The following MICAL3 variants were observed in gnomAD, a reference collection of about 807,000 sequenced individuals.
MICAL3 encodes [F-actin]-monooxygenase MICAL3.
MICAL3 carries 62 observed loss-of-function variants against 207.4 expected under a neutral mutation model. That is an observed-to-expected ratio of 0.30 (90% CI 0.24 to 0.37). The LOEUF is 0.37. Among genes scored for constraint, MICAL3 ranks in the 10% least tolerant of loss-of-function variants. MICAL3 has a pLI of 1.00. For synonymous variants in MICAL3, 1,077 were observed against 1,069.3 expected (o/e 1.01, Z -0.14); for missense variants, 2,368 against 2,635.6 (o/e 0.90, Z 2.22).
chr22:17,789,780 A>C lies in MICAL3; in HGVS notation c.*952T>G, dbSNP rs1267123078. The stretch of plus-strand genomic sequence containing the variant: ...CGCAGGTGATCAGTTCCTCTAGTAA[A>C]GATACACAAACGAAGTTACTTCTTT... On this transcript the variant is annotated 3_prime_UTR_variant, in exon 32 of 32. Transcript: ENST00000441493. 2 of 152,262 alleles carry C rather than the reference A, an allele frequency of 1.3e-5. No homozygotes were observed. Among genetic ancestry groups the C allele is most frequent in the Non-Finnish European group, 2.9e-5 (2 of 68,048 alleles). 9.4% of individuals were successfully genotyped at this position (152,262 alleles called of 1,614,324 possible).
chr22:17,830,958 C>G (rs1471312800), intron 21 of MICAL3, among the ~76,000 whole-genome samples: 1 of 152,180 alleles, frequency 6.6e-6, no homozygotes, highest in Admixed American at 6.5e-5. Context: ...CCAGAGAAAA[C>G]AGACCCCCGG....
chr22:18,023,042 T>C (rs1924584549), intron 1 of MICAL3, among the ~76,000 whole-genome samples: 1 of 152,204 alleles, frequency 6.6e-6, no homozygotes. Flanking sequence ...CTGTAGCTTG[T>C]AGGCATTTAT....
intron 1 of MICAL3, chr22:18,004,680 C>T (rs570130489): frequency 6.6e-6 from 1 of 152,296 alleles, no homozygotes; most frequent in African/African-American, 2.4e-5. Flanking sequence ...GTGCTTTGCC[C>T]GCATTATTTA....
intron 1 of MICAL3, among the ~76,000 whole-genome samples, chr22:17,971,163 C>A (rs1935396465): frequency 6.6e-6 from 1 of 152,016 alleles, no homozygotes. Context: ...GGCAACAGAG[C>A]AAGACCCCGT....
intron 19 of MICAL3, among the ~76,000 whole-genome samples, chr22:17,858,263 G>A (rs148240698): frequency 2.1e-4 from 32 of 152,314 alleles, no homozygotes; most frequent in African/African-American, 4.1e-4. Flanking sequence ...TGAGAATTCC[G>A]GGCGGTGGTG....
At position 17,796,578 on chromosome 22, in the gene MICAL3, C is replaced by G. The variant is rs2061878775; in HGVS notation, c.5651-5277G>C. ...CCACTCTGAACTCAGAGCTTTCCCT[C>G]TTCAACACAGGCTCCAGGCAAATGT... is the stretch of plus-strand genomic sequence containing the variant. On this transcript the variant is annotated intron_variant, in intron 29 of 31. Transcript: ENST00000441493. This position sits in a 1 kb window ranked among gnomAD's most constrained non-coding sequence, Gnocchi z 4.4. Among the ~76,000 whole-genome samples, 1 of 152,244 alleles carries G rather than the reference C, an allele frequency of 6.6e-6. No individual in the cohort carries two copies. The highest frequency in any genetic ancestry group is 1.5e-5 in the Non-Finnish European group (1 of 68,044).
intron 7 of MICAL3, among the ~76,000 whole-genome samples, chr22:17,897,659 T>C (rs1479298140): frequency 5.3e-5 from 8 of 152,102 alleles, no homozygotes; most frequent in African/African-American, 1.4e-4. Context: ...TTTTGTCAAA[T>C]GGGACCACGT....
chr22:17,852,507 C>T (rs577608561), intron 19 of MICAL3, among the ~76,000 whole-genome samples: 26 of 152,308 alleles, frequency 1.7e-4, no homozygotes, highest in African/African-American at 5.1e-4. Context: ...GGTGCAGGAG[C>T]GCACAGCCCA....
At chr22:17,794,223 C>CA (rs2061852992) in intron 29 of MICAL3, among the ~76,000 whole-genome samples, 1 of 152,228 alleles carries the variant, frequency 6.6e-6, no homozygotes, top group African/African-American at 2.4e-5. Flanking sequence ...GTTGTCATAC[C>CA]GGGGCCTTTG....
intron 19 of MICAL3, chr22:17,861,666 A>G (rs928023325): frequency 1.0e-5 from 10 of 985,356 alleles, no homozygotes; most frequent in Non-Finnish European, 1.2e-5. Context: ...TGGACAGTAC[A>G]AGGCCAGGGT....
At chr22:17,888,714 G>A (rs1602153251) in intron 13 of MICAL3, among the ~76,000 whole-genome samples, 1 of 152,200 alleles carries the variant, frequency 6.6e-6, no homozygotes, top group African/African-American at 2.4e-5. Context: ...GAGGCCACAA[G>A]CACAAGCCAC....
rs1401424019 is a variant in MICAL3 at position 17,789,333 on chromosome 22, C to T, written c.*1399G>A. 3 of 152,262 alleles carry T rather than the reference C, an allele frequency of 2.0e-5. No individual in the cohort carries two copies. Among genetic ancestry groups the T allele is most frequent in the South Asian group, 2.1e-4 (1 of 4,826 alleles). The allele number at this position is 152,262 out of a possible 1,614,324, so 9.4% of individuals were successfully genotyped here. A position where few individuals can be genotyped will look rare whatever the true frequency, so the allele number is the denominator to read the frequency against. On this transcript the variant is annotated 3_prime_UTR_variant, in exon 32 of 32. Transcript: ENST00000441493. The stretch of plus-strand genomic sequence containing the variant: ...CATGATTCCAGGGTCCCACCTTGCA[C>T]CCTCTTGGCCTGTGTGGATGAGGGC...
At chr22:17,915,205 C>T (rs183757432) in intron 1 of MICAL3, among the ~76,000 whole-genome samples, 52 of 152,346 alleles carry the variant, frequency 3.4e-4, no homozygotes, top group South Asian at 8.3e-4. Flanking sequence ...TAGCAAAAAC[C>T]GCACTGACTT....
At chr22:17,931,373 A>G (rs1933257159) in intron 1 of MICAL3, among the ~76,000 whole-genome samples, 1 of 152,248 alleles carries the variant, frequency 6.6e-6, no homozygotes, top group Non-Finnish European at 1.5e-5. Context: ...GGGACCCAGC[A>G]GCCTGTGAAT....
chr22:17,821,045 T>C (rs1027802184), intron 25 of MICAL3, among the ~76,000 whole-genome samples: 3 of 149,874 alleles, frequency 2.0e-5, no homozygotes, highest in Admixed American at 1.3e-4. Flanking sequence ...TATACATTTA[T>C]TAAATATAAT....
chr22:18,021,516 T>G (rs1251522529), intron 1 of MICAL3, among the ~76,000 whole-genome samples: 2 of 152,028 alleles, frequency 1.3e-5, no homozygotes, highest in Non-Finnish European at 2.9e-5. Context: ...TCTCAAGAGG[T>G]CAGGCTGACT....
intron 1 of MICAL3, among the ~76,000 whole-genome samples, chr22:18,015,601 C>T (rs1168931274): frequency 2.6e-5 from 4 of 151,718 alleles, no homozygotes; most frequent in South Asian, 2.1e-4. Flanking sequence ...TTAGTAGAGA[C>T]GGGGTTTCAC....
At chr22:17,803,042 C>T (rs1192836396) in intron 29 of MICAL3, among the ~76,000 whole-genome samples, 1 of 152,234 alleles carries the variant, frequency 6.6e-6, no homozygotes, top group Non-Finnish European at 1.5e-5. Flanking sequence ...TCAGAACCCA[C>T]TGGAAGGTCT....
At position 17,803,753 on chromosome 22, in the gene MICAL3, G is replaced by A. The variant is rs565030548; in HGVS notation, c.5650+5091C>T. On this transcript the variant is annotated intron_variant, in intron 29 of 31. Transcript: ENST00000441493. ...TTTTTGTGAGCAGGGACTGGGAAGC[G>A]TGGGTGGAGAAAGGGCGTCAGCGGG... is the stretch of plus-strand genomic sequence containing the variant. 2.0e-5 allele frequency: 17 copies of A among 851,438 alleles called. No homozygotes were observed. The East Asian group carries it at 8.5e-4, about 43-fold the overall frequency. 52.7% of individuals were successfully genotyped at this position (851,438 alleles called of 1,614,324 possible).
Sources: gnomAD v4.1 joint callset for allele counts (sites outside exome capture counted in the v4.1 genomes callset) on GRCh38, gnomAD v4.1.1 for gene constraint, Gnocchi (gnomAD v3.1) non-coding constraint, MANE v1.5 for transcripts, NCBI Gene and HGNC (gene_info 2026-07-23, HGNC 2026-07-21) for gene names.